SYNDIG1L: variants seen among roughly 807,000 people sequenced by gnomAD.
SYNDIG1L encodes synapse differentiation inducing 1 like, also known as synapse differentiation-inducing gene protein 1-like.
Under a neutral mutation model 20.1 loss-of-function variants are expected in SYNDIG1L, and 13 were observed. The observed-to-expected ratio is 0.65, with a 90% CI of 0.42 to 1.03. SYNDIG1L has a LOEUF of 1.03. Ranked by LOEUF, SYNDIG1L falls within the 50% of genes least tolerant of loss-of-function variation. SYNDIG1L has a pLI of 0.00. For missense variants in SYNDIG1L, 294 were observed against 305.1 expected, an observed-to-expected ratio of 0.96 and a Z score of 0.27; for synonymous variants, 128 against 129.3, an observed-to-expected ratio of 0.99 and a Z score of 0.07.
chr14:74,449,177 G>A, the SYNDIG1L span, among the ~76,000 whole-genome samples: 14 of 151,644 alleles, frequency 9.2e-5, no homozygotes, highest in Non-Finnish European at 2.1e-4. Flanking sequence ...AGGCTGCAGG[G>A]AGTCAAGATC....
the SYNDIG1L span, among the ~76,000 whole-genome samples, chr14:74,445,755 G>T: frequency 6.6e-6 from 1 of 152,148 alleles, no homozygotes; most frequent in South Asian, 2.1e-4. Flanking sequence ...GGGATTACAG[G>T]CATGAGCCAC....
At chr14:74,432,140 GGTGTGTGTGTGTGTGTGTGTGTGTGT>G in the SYNDIG1L span, among the ~76,000 whole-genome samples, 1 of 121,012 alleles carries the variant, frequency 8.3e-6, no homozygotes, top group East Asian at 2.4e-4. Context: ...TGCCTTGGAA[GGTGTGTGTGTGTGTGTGTGTGTGTGT>G]GTGTGTGTGT....
Position 74,408,048 on chromosome 14 carries a change from G to T in SYNDIG1L, c.418-59C>A. On this transcript the variant is annotated intron_variant, in intron 2 of 3. Coordinates refer to ENST00000331628, the MANE Select transcript of SYNDIG1L (RefSeq NM_001105579.2). Reference sequence around the variant, plus strand: ...GGATCAGCCCAGCCCCATCAGGCTGGCAAGAGGTTTTTTAAAAGGCAATGC... The same window carrying T: ...GGATCAGCCCAGCCCCATCAGGCTGTCAAGAGGTTTTTTAAAAGGCAATGC... The T allele has an allele frequency of 2.0e-6, 3 of 1,525,482 alleles. No homozygotes were observed. In the South Asian group the frequency reaches 4.0e-5, roughly 20 times the overall value. 94.5% of individuals were successfully genotyped at this position (1,525,482 alleles called of 1,614,324 possible). A position where few individuals can be genotyped will look rare whatever the true frequency, so the allele number is the denominator to read the frequency against.
chr14:74,441,330 A>G, the SYNDIG1L span, among the ~76,000 whole-genome samples: 1 of 152,166 alleles, frequency 6.6e-6, no homozygotes, highest in East Asian at 1.9e-4. Flanking sequence ...GACAGATTGA[A>G]CTTTGTCCCT....
At chr14:74,412,703 T>C (rs1055847682) in intron 1 of SYNDIG1L, among the ~76,000 whole-genome samples, 1 of 152,164 alleles carries the variant, frequency 6.6e-6, no homozygotes, top group Non-Finnish European at 1.5e-5. Flanking sequence ...GTTTTCCAGA[T>C]GGGCGACAGA....
chr14:74,410,471 G>A lies in SYNDIG1L; in HGVS notation c.-57-670C>T, dbSNP rs571331406. The stretch of plus-strand genomic sequence containing the variant: ...GCAGCCTTGCTTGAGTCTAAGAGGG[G>A]GTACTAGGTTAGGATCTGGGTCCTG... On this transcript the variant is annotated intron_variant, in intron 1 of 3. Coordinates refer to ENST00000331628, the MANE Select transcript of SYNDIG1L (RefSeq NM_001105579.2). Among the ~76,000 whole-genome samples, 5 of 152,250 alleles carry A rather than the reference G, an allele frequency of 3.3e-5. No individual in the cohort carries two copies. In the East Asian group the frequency reaches 9.6e-4, roughly 29 times the overall value.
In SYNDIG1L at chr14:74,407,610, G is replaced by T. The variant is rs201373157; in HGVS notation, c.642C>A (p.Ile214=). ...CCACGTAGAGACCGGCCCCCACGGC[G>T]ATGGCGAGTGTGGCTAGGAAGAGGG... is the stretch of plus-strand genomic sequence containing the variant. The part of the protein sequence containing the change: ...RRALFLATLA[I]AVGAGLYVAV... The change falls in exon 4 of 4, where the codon ATC becomes ATA. Residue 214 remains isoleucine, a synonymous_variant. Transcript: ENST00000331628. 19 of 1,614,142 alleles carry T rather than the reference G, an allele frequency of 1.2e-5. No homozygotes were observed. Among genetic ancestry groups the T allele is most frequent in the Non-Finnish European group, 1.5e-5 (18 of 1,179,982 alleles).
chr14:74,428,817 G>A (rs565662228), upstream of SYNDIG1L, among the ~76,000 whole-genome samples: 25 of 152,298 alleles, frequency 1.6e-4, no homozygotes, highest in East Asian at 2.5e-3. Flanking sequence ...GAGTCAACAG[G>A]ACGGGAGCAG....
chr14:74,445,826 A>C, the SYNDIG1L span, among the ~76,000 whole-genome samples: 1 of 152,218 alleles, frequency 6.6e-6, no homozygotes, highest in Non-Finnish European at 1.5e-5. Flanking sequence ...AGAGATATAT[A>C]TGAGTGTGTT....
At position 74,407,415 on chromosome 14, in the gene SYNDIG1L, C is replaced by T; in HGVS notation, c.*120G>A. ...GGCTGTGGAATGGGGGTCTCCCCCT[C>T]AGCAAGCCACTCTCACGGGATCATC... On this transcript the variant is annotated 3_prime_UTR_variant, in exon 4 of 4. Transcript: ENST00000331628. 5 of 1,407,964 alleles carry T rather than the reference C, an allele frequency of 3.6e-6. No homozygotes were observed. Among genetic ancestry groups the T allele is most frequent in the Non-Finnish European group, 4.8e-6 (5 of 1,033,356 alleles). 87.2% of individuals were successfully genotyped at this position (1,407,964 alleles called of 1,614,324 possible).
chr14:74,410,368 G>A (rs542456013), intron 1 of SYNDIG1L, among the ~76,000 whole-genome samples: 4 of 152,320 alleles, frequency 2.6e-5, no homozygotes, highest in East Asian at 1.9e-4. Context: ...CAAAGGCCCC[G>A]TGGTTGGATA....
chr14:74,412,589 G>C (rs1357689905), intron 1 of SYNDIG1L, among the ~76,000 whole-genome samples: 1 of 152,166 alleles, frequency 6.6e-6, no homozygotes, highest in Non-Finnish European at 1.5e-5. Context: ...TTGAGGGTCG[G>C]GGGTAGGTGA....
chr14:74,451,706 T>C, the SYNDIG1L span, among the ~76,000 whole-genome samples: 2 of 152,188 alleles, frequency 1.3e-5, no homozygotes, highest in African/African-American at 4.8e-5. Context: ...AAAGAACTTC[T>C]GTAGGCCGGG....
rs572982765 is a variant in SYNDIG1L, at chr14:74,423,634, G to C, written c.-58+2278C>G. 5.0e-4 allele frequency among the ~76,000 whole-genome samples: 76 copies of C among 152,196 alleles called. 1 individual carries two copies. Among genetic ancestry groups the C allele is most frequent in the South Asian group, 1.0e-3 (5 of 4,824 alleles). On this transcript the variant is annotated intron_variant, in intron 1 of 3. Coordinates refer to ENST00000331628, the MANE Select transcript of SYNDIG1L (RefSeq NM_001105579.2). ...CTAAGGTTTTTCTGAGCATCGGCTG[G>C]ACCTGCCACAGTTGAGGGAAATTAT... is the stretch of plus-strand genomic sequence containing the variant.
chr14:74,414,878 G>A (rs2086162596), intron 1 of SYNDIG1L, among the ~76,000 whole-genome samples: 1 of 152,164 alleles, frequency 6.6e-6, no homozygotes, highest in Non-Finnish European at 1.5e-5. Flanking sequence ...TGTGGTGGGT[G>A]GGTAATATGA....
the SYNDIG1L span, among the ~76,000 whole-genome samples, chr14:74,462,086 A>C: frequency 7.1e-6 from 1 of 141,604 alleles, no homozygotes; most frequent in South Asian, 2.4e-4. Context: ...CTCTGTCTCA[A>C]AAACAAAACA....
rs538073566 is a variant in SYNDIG1L, at chr14:74,424,820, A to T, written c.-58+1092T>A. Among the ~76,000 whole-genome samples the T allele has an allele frequency of 2.6e-5, 4 of 152,260 alleles. No homozygotes were observed. In the East Asian group the frequency reaches 7.7e-4, roughly 29 times the overall value. ...AGGTGGCAAGCCTCCAATCAGGTGC[A>T]TTGTTTTTCATTGGGCCCCAAGGCA... On this transcript the variant is annotated intron_variant, in intron 1 of 3. Transcript: ENST00000331628.
At chr14:74,417,601 G>A (rs2086186574) in intron 1 of SYNDIG1L, among the ~76,000 whole-genome samples, 1 of 151,780 alleles carries the variant, frequency 6.6e-6, no homozygotes, top group Admixed American at 6.6e-5. Flanking sequence ...TTGTTTAGAT[G>A]AGGAAACTGA....
intron 1 of SYNDIG1L, among the ~76,000 whole-genome samples, chr14:74,423,332 T>C (rs890060005): frequency 6.6e-6 from 1 of 152,172 alleles, no homozygotes; most frequent in Non-Finnish European, 1.5e-5. Flanking sequence ...CTCACCCCAG[T>C]AGCAGGCCAG....
Sources: allele counts gnomAD v4.1 joint callset (sites outside exome capture counted in the v4.1 genomes callset), GRCh38; gene constraint gnomAD v4.1.1; transcripts MANE v1.5; gene names NCBI Gene and HGNC (gene_info 2026-07-23, HGNC 2026-07-21).